Variants in CCDC117 observed in about 807,000 individuals in gnomAD.
CCDC117 encodes the protein coiled-coil domain-containing protein 117.
Under a neutral mutation model 23.5 loss-of-function variants are expected in CCDC117, and 1 was observed. That is an observed-to-expected ratio of 0.04 (90% confidence interval 0.02 to 0.20). The LOEUF is 0.20. Ranked by LOEUF, CCDC117 falls within the 10% of genes least tolerant of loss-of-function variation. CCDC117 has a pLI of 1.00. For missense variants in CCDC117, 383 were observed against 348.2 expected, an observed-to-expected ratio of 1.10 and a Z score of -0.80; for synonymous variants, 132 against 124.8, an observed-to-expected ratio of 1.06 and a Z score of -0.39.
intron 2 of CCDC117, among the ~76,000 whole-genome samples, chr22:28,777,505 C>CTTTTCTTTTT (rs2031200766): frequency 7.2e-6 from 1 of 138,724 alleles, no homozygotes; most frequent in African/African-American, 2.6e-5. Flanking sequence ...GACATCTTTT[C>CTTTTCTTTTT]TTTTTTTTTT....
At chr22:28,783,676 T>C (rs769000146) in intron 4 of CCDC117, 31 bp downstream of exon 4, 1 of 1,605,452 alleles carries the variant, frequency 6.2e-7, no homozygotes, top group Non-Finnish European at 8.5e-7. Context: ...TCTATTTAAT[T>C]ATGATCTTGG....
intron 2 of CCDC117, among the ~76,000 whole-genome samples, chr22:28,777,517 C>T (rs867492335): frequency 0.017 from 2,048 of 123,102 alleles, 43 homozygotes; most frequent in African/African-American, 0.05. Flanking sequence ...TTTTTTTTTT[C>T]TTTTTTTTTT....
At position 28,776,847 on chromosome 22, in the gene CCDC117, G is replaced by C. The variant is rs796973948; in HGVS notation, c.239+3069G>C. On this transcript the variant is annotated intron_variant, in intron 2 of 4. Coordinates refer to ENST00000249064, the MANE Select transcript of CCDC117 (RefSeq NM_173510.4). ...GATCCTCTCGCCTTGGCCTCCCAAA[G>C]TGCTGGGATTACAGGCGTGAGCCAC... is the stretch of plus-strand genomic sequence containing the variant. Among the ~76,000 whole-genome samples, 9 of 151,908 alleles carry C rather than the reference G, an allele frequency of 5.9e-5. 1 individual carries two copies. Among genetic ancestry groups the C allele is most frequent in the African/African-American group, 2.2e-4 (9 of 41,428 alleles).
In CCDC117 at chr22:28,781,603, G is replaced by A. The variant is rs1398896154; in HGVS notation, c.464+431G>A. Among the ~76,000 whole-genome samples the A allele has an allele frequency of 4.5e-4, 24 of 53,770 alleles. 9 individuals carry two copies. Among genetic ancestry groups the A allele is most frequent in the African/African-American group, 3.7e-3 (19 of 5,154 alleles). 35.3% of individuals were successfully genotyped at this position (53,770 alleles called of 152,430 possible). A position where few individuals can be genotyped will look rare whatever the true frequency, so the allele number is the denominator to read the frequency against. ...CTTGACCTCGTGATCCGCCCGCCTC[G>A]GCCTCCCAAAGTGCTGGGATTACAG... On this transcript the variant is annotated intron_variant, in intron 3 of 4. Transcript: ENST00000249064.
Position 28,778,382 on chromosome 22 carries a change from C to T in CCDC117, c.240-2566C>T, listed in dbSNP as rs1346222878. Among the ~76,000 whole-genome samples, 3 of 152,014 alleles carry T rather than the reference C, an allele frequency of 2.0e-5. No homozygotes were observed. In the East Asian group the frequency reaches 5.8e-4, roughly 30 times the overall value. On this transcript the variant is annotated intron_variant, in intron 2 of 4. Transcript: ENST00000249064. ...TAGCACTTTGGGAGGCCGAGGCAGG[C>T]AGATCACCTCAGATCAGTAGTTTGA...
In CCDC117 at chr22:28,788,255, A is replaced by G. The variant is rs1257186756; in HGVS notation, c.*1929A>G. 6.6e-6 allele frequency: 1 copy of G among 152,602 alleles called. No homozygotes were observed. Among genetic ancestry groups the G allele is most frequent in the African/African-American group, 2.4e-5 (1 of 41,426 alleles). 9.5% of individuals were successfully genotyped at this position (152,602 alleles called of 1,614,324 possible). A position where few individuals can be genotyped will look rare whatever the true frequency, so the allele number is the denominator to read the frequency against. On this transcript the variant is annotated 3_prime_UTR_variant, in exon 5 of 5. Transcript: ENST00000249064. ...TTTGATAAACTTCTGCCTTGTAGTCATTGTTTGATGGGACCAACTTGTAAA... is the reference window on the plus strand; with the variant it reads ...TTTGATAAACTTCTGCCTTGTAGTCGTTGTTTGATGGGACCAACTTGTAAA...
chr22:28,774,871 T>C lies in CCDC117; in HGVS notation c.239+1093T>C, dbSNP rs528049528. Among the ~76,000 whole-genome samples the C allele has an allele frequency of 1.1e-4, 17 of 152,314 alleles. No homozygotes were observed. In the South Asian group the frequency reaches 2.9e-3, roughly 26 times the overall value. On this transcript the variant is annotated intron_variant, in intron 2 of 4. Transcript: ENST00000249064. ...GTGTTTTTACATTTGTAGGAAGATATGGTTCACACTGTGCAACACATTGAT... is the reference window on the plus strand; with the variant it reads ...GTGTTTTTACATTTGTAGGAAGATACGGTTCACACTGTGCAACACATTGAT...
intron 1 of CCDC117, 30 bp downstream of exon 1, chr22:28,773,064 G>C (rs2031039971): frequency 2.2e-6 from 1 of 449,274 alleles, no homozygotes; most frequent in Non-Finnish European, 2.5e-6. Context: ...CAGGGCGCAG[G>C]GCGGGCGGGC....
chr22:28,781,379 C>T (rs528950403), intron 3 of CCDC117, among the ~76,000 whole-genome samples: 5 of 19,214 alleles, frequency 2.6e-4, no homozygotes, highest in African/African-American at 1.3e-3. Flanking sequence ...GAGACGGAGT[C>T]TCGCTCTGTC....
Position 28,780,928 on chromosome 22 carries a change from A to AT in CCDC117, c.240-12dup, listed in dbSNP as rs773289746. 8.4e-6 allele frequency: 13 copies of AT among 1,555,978 alleles called. No individual in the cohort carries two copies. The highest frequency in any genetic ancestry group is 2.3e-5 in the South Asian group (2 of 87,720). ...TTATATTAGTTGGGATTTTCATTGA[A>AT]TTTTTTTTCTTTTTTTCAGTTGTCC... is the stretch of plus-strand genomic sequence containing the variant. On this transcript the variant is annotated intron_variant, in intron 2 of 4. Transcript: ENST00000249064.
chr22:28,774,106 C>T (rs1301002504), intron 2 of CCDC117, among the ~76,000 whole-genome samples: 4 of 142,942 alleles, frequency 2.8e-5, no homozygotes, highest in Admixed American at 7.2e-5. Context: ...CTGCCTCTGT[C>T]GCCCAGGCTG....
Position 28,781,330 on chromosome 22 carries a change from G to T in CCDC117, c.464+158G>T, listed in dbSNP as rs373364743. Among the ~76,000 whole-genome samples, 62 of 37,598 alleles carry T rather than the reference G, an allele frequency of 1.6e-3. 1 individual carries two copies. The highest frequency in any genetic ancestry group is 4.9e-3 in the South Asian group (4 of 814). 24.7% of individuals were successfully genotyped at this position (37,598 alleles called of 152,430 possible). ...AAAGTGTATTCGTTTTTGTTTTTTT[G>T]TTTTGTTTTTTTTTTTTTTTTTTTT... is the stretch of plus-strand genomic sequence containing the variant. On this transcript the variant is annotated intron_variant, in intron 3 of 4. Coordinates refer to ENST00000249064, the MANE Select transcript of CCDC117 (RefSeq NM_173510.4).
At chr22:28,774,075 T>G (rs1427494439) in intron 2 of CCDC117, among the ~76,000 whole-genome samples, 3 of 150,736 alleles carry the variant, frequency 2.0e-5, no homozygotes, top group Admixed American at 6.6e-5. Context: ...TTTTTGTTTT[T>G]TTTTTTTTTT....
chr22:28,773,758 AGAG>A lies in CCDC117; in HGVS notation c.231_233del (p.Glu77del), dbSNP rs771287648. 2.7e-5 allele frequency: 43 copies of A among 1,612,844 alleles called. No homozygotes were observed. Among genetic ancestry groups the A allele is most frequent in the Admixed American group, 1.2e-4 (7 of 60,016 alleles). ...TTCACTGTAAAAAGAAACACAAGCG[AGAG>A]GAGGAGGAGGATGATGAGTAAGTTT... On this transcript the variant is annotated inframe_deletion, in exon 2 of 5. Transcript: ENST00000249064.
At chr22:28,778,408 G>T (rs2031230433) in intron 2 of CCDC117, among the ~76,000 whole-genome samples, 2 of 152,076 alleles carry the variant, frequency 1.3e-5, no homozygotes, top group Non-Finnish European at 2.9e-5. Flanking sequence ...AGTAGTTTGA[G>T]ACCAGCCTGG....
At position 28,788,192 on chromosome 22, in the gene CCDC117, G is replaced by A. The variant is rs1400029584; in HGVS notation, c.*1866G>A. ...TCAGATTTCGAGATGAATGTAAACT[G>A]TATTCTTTTGAAATGTGCAAGTGTT... On this transcript the variant is annotated 3_prime_UTR_variant, in exon 5 of 5. Coordinates refer to ENST00000249064, the MANE Select transcript of CCDC117 (RefSeq NM_173510.4). The A allele has an allele frequency of 6.5e-6, 1 of 152,746 alleles. No individual in the cohort carries two copies. Among genetic ancestry groups the A allele is most frequent in the East Asian group, 1.9e-4 (1 of 5,188 alleles). 9.5% of individuals were successfully genotyped at this position (152,746 alleles called of 1,614,324 possible).
intron 4 of CCDC117, among the ~76,000 whole-genome samples, chr22:28,784,796 A>G (rs1385630742): frequency 1.3e-5 from 2 of 151,982 alleles, no homozygotes; most frequent in African/African-American, 4.8e-5. Context: ...GTTGAGATGG[A>G]GTCTCGCTCT....
chr22:28,777,101 C>T (rs2031186888), intron 2 of CCDC117, among the ~76,000 whole-genome samples: 1 of 141,354 alleles, frequency 7.1e-6, no homozygotes, highest in Non-Finnish European at 1.5e-5. Context: ...GTGGCGCAAT[C>T]TCGGCTCCCT....
At position 28,786,685 on chromosome 22, in the gene CCDC117, T is replaced by TG. The variant is rs1410081000; in HGVS notation, c.*360dup. 5.1e-6 allele frequency: 1 copy of TG among 195,896 alleles called. No individual in the cohort carries two copies. Among genetic ancestry groups the TG allele is most frequent in the East Asian group, 1.3e-4 (1 of 7,944 alleles). The allele number at this position is 195,896 out of a possible 1,614,324, so 12.1% of individuals were successfully genotyped here. ...AATATTCTCCTTGAATTAAAAAAGATGATTAAGAAGGATGCTCCTACAACT... is the reference window on the plus strand; with the variant it reads ...AATATTCTCCTTGAATTAAAAAAGATGGATTAAGAAGGATGCTCCTACAACT... On this transcript the variant is annotated 3_prime_UTR_variant, in exon 5 of 5. Transcript: ENST00000249064.
Sources: allele counts gnomAD v4.1 joint callset (sites outside exome capture counted in the v4.1 genomes callset), GRCh38; gene constraint gnomAD v4.1.1; transcripts MANE v1.5; gene names NCBI Gene and HGNC (gene_info 2026-07-23, HGNC 2026-07-21).